Variants in NRXN3 observed in about 807,000 individuals in gnomAD.
The protein encoded by NRXN3 is neurexin III.
A neutral mutation model predicts 137.6 loss-of-function variants in NRXN3; 32 were observed. The ratio of observed to expected loss-of-function variants is 0.23; its 90% CI spans 0.18 to 0.31. NRXN3 has a LOEUF of 0.31. Among genes scored for constraint, NRXN3 ranks in the 10% least tolerant of loss-of-function variants. NRXN3 has a pLI of 1.00. For synonymous variants in NRXN3, 798 were observed against 784.5 expected (o/e 1.02, Z -0.29); for missense variants, 1,574 against 2,062.5 (o/e 0.76, Z 4.59).
chr14:79,093,214 C>T (rs899109094), intron 15 of NRXN3, among the ~76,000 whole-genome samples: 6 of 152,046 alleles, frequency 3.9e-5, no homozygotes, highest in Admixed American at 3.3e-4. Flanking sequence ...TCAGACTTGA[C>T]AGGGTGAGGG....
At chr14:79,804,857 A>G (rs2099197412) in intron 19 of NRXN3, among the ~76,000 whole-genome samples, 1 of 152,146 alleles carries the variant, frequency 6.6e-6, no homozygotes, top group Non-Finnish European at 1.5e-5. Context: ...GGTGAGGCTT[A>G]AGTCTCCTGG....
chr14:78,793,016 T>C (rs1264074830), intron 8 of NRXN3, among the ~76,000 whole-genome samples: 1 of 152,218 alleles, frequency 6.6e-6, no homozygotes, highest in Non-Finnish European at 1.5e-5. Flanking sequence ...GTAATTGGAT[T>C]GTTTGTAATT....
chr14:79,001,998 G>T (rs936660069), intron 15 of NRXN3, among the ~76,000 whole-genome samples: 1 of 152,134 alleles, frequency 6.6e-6, no homozygotes, highest in Non-Finnish European at 1.5e-5. Context: ...ATTTTGAGTA[G>T]ATTATCATTT....
In NRXN3 at chr14:78,722,310, A is replaced by G. The variant is rs566156418; in HGVS notation, c.2044+7171A>G. Among the ~76,000 whole-genome samples, 7 of 152,280 alleles carry G rather than the reference A, an allele frequency of 4.6e-5. No homozygotes were observed. In the East Asian group the frequency reaches 1.4e-3, roughly 29 times the overall value. On this transcript the variant is annotated intron_variant, in intron 8 of 20. Coordinates refer to ENST00000335750, the MANE Select transcript of NRXN3 (RefSeq NM_001330195.2). ...TGCTGGCTGCAGTGCTGTCAAATGC[A>G]GGGACTCGGTGGCCATTTACATTGC...
intron 10 of NRXN3, among the ~76,000 whole-genome samples, chr14:78,836,011 G>A (rs1217196293): frequency 6.6e-6 from 1 of 152,102 alleles, no homozygotes; most frequent in Non-Finnish European, 1.5e-5. Context: ...TATGTGTAGG[G>A]GCACTGTGGG....
rs144706852 is a variant in NRXN3, at chr14:78,908,646, T to C, written c.2276-48596T>C. Among the ~76,000 whole-genome samples, 8 of 152,242 alleles carry C rather than the reference T, an allele frequency of 5.3e-5. No individual in the cohort carries two copies. The East Asian group carries it at 9.7e-4, about 18-fold the overall frequency. On this transcript the variant is annotated intron_variant, in intron 10 of 20. Coordinates refer to ENST00000335750, the MANE Select transcript of NRXN3 (RefSeq NM_001330195.2). ...AAATTTCACCAAGATAAACTTGTACTAACTTCTTGTAACATGTCTGAACAG... is the reference window on the plus strand; with the variant it reads ...AAATTTCACCAAGATAAACTTGTACCAACTTCTTGTAACATGTCTGAACAG...
chr14:79,301,539 A>G (rs943448442), intron 15 of NRXN3, among the ~76,000 whole-genome samples: 19 of 152,104 alleles, frequency 1.2e-4, no homozygotes, highest in Middle Eastern at 3.4e-3. Flanking sequence ...AGGGAACACA[A>G]TGGTCCTTGT....
At position 78,452,282 on chromosome 14, in the gene NRXN3, ATCT is replaced by A. The variant is rs1397534318; in HGVS notation, c.757+154427_757+154429del. 3.9e-5 allele frequency among the ~76,000 whole-genome samples: 6 copies of A among 152,190 alleles called. No homozygotes were observed. The East Asian group carries it at 1.2e-3, about 29-fold the overall frequency. On this transcript the variant is annotated intron_variant, in intron 4 of 20. Coordinates refer to ENST00000335750, the MANE Select transcript of NRXN3 (RefSeq NM_001330195.2). ...AGGCAAGCTGATTCTCTGTGGCTTG[ATCT>A]TCTTATATTTAAAGGAGGAATATAA...
At chr14:78,199,101 A>T (rs554499028) in intron 1 of NRXN3, among the ~76,000 whole-genome samples, 23 of 152,194 alleles carry the variant, frequency 1.5e-4, no homozygotes, top group Non-Finnish European at 3.2e-4. Context: ...CTTAAAATGG[A>T]CTTTGATGAG....
intron 8 of NRXN3, among the ~76,000 whole-genome samples, chr14:78,785,098 A>C (rs1482872116): frequency 6.6e-6 from 1 of 152,250 alleles, no homozygotes; most frequent in Non-Finnish European, 1.5e-5. Flanking sequence ...TAAGAGAAAA[A>C]GATAAAATGA....
At chr14:78,913,786 CTTTG>C (rs1164218986) in intron 10 of NRXN3, among the ~76,000 whole-genome samples, 1 of 152,012 alleles carries the variant, frequency 6.6e-6, no homozygotes, top group African/African-American at 2.4e-5. Flanking sequence ...ATCTGGACTG[CTTTG>C]TTTGGAGATG....
intron 15 of NRXN3, among the ~76,000 whole-genome samples, chr14:79,145,052 C>T (rs1342736023): frequency 1.3e-5 from 2 of 152,038 alleles, no homozygotes; most frequent in African/African-American, 4.8e-5. Flanking sequence ...ATGCAATTTC[C>T]TGTGTGGGAG....
At chr14:79,655,509 T>C (rs550240945) in intron 16 of NRXN3, among the ~76,000 whole-genome samples, 1 of 152,342 alleles carries the variant, frequency 6.6e-6, no homozygotes, top group African/African-American at 2.4e-5. Flanking sequence ...CGTGCATATA[T>C]ACCATACAGA....
At chr14:79,394,001 A>G (rs1460968538) in intron 15 of NRXN3, among the ~76,000 whole-genome samples, 1 of 152,210 alleles carries the variant, frequency 6.6e-6, no homozygotes, top group Non-Finnish European at 1.5e-5. Flanking sequence ...TTGACTTAAA[A>G]TATCAGCTAA....
At chr14:78,706,813 A>G (rs1490140408) in intron 6 of NRXN3, among the ~76,000 whole-genome samples, 2 of 152,200 alleles carry the variant, frequency 1.3e-5, no homozygotes, top group Non-Finnish European at 2.9e-5. Context: ...GCTTCGCCAT[A>G]GTTATATATC....
At chr14:79,659,251 C>T (rs1401403166) in intron 16 of NRXN3, among the ~76,000 whole-genome samples, 2 of 151,670 alleles carry the variant, frequency 1.3e-5, no homozygotes, top group African/African-American at 2.4e-5. Flanking sequence ...TGATTTACCA[C>T]TTGTTTTTGT....
chr14:79,279,749 A>T, intron 15 of NRXN3: 1 of 987,762 alleles, frequency 1.0e-6, no homozygotes, highest in Non-Finnish European at 1.2e-6. Context: ...GAACTCTTCC[A>T]CCTGCAGCCC....
At chr14:79,452,567 T>C (rs1193948357) in intron 15 of NRXN3, among the ~76,000 whole-genome samples, 1 of 152,148 alleles carries the variant, frequency 6.6e-6, no homozygotes, top group Non-Finnish European at 1.5e-5. Flanking sequence ...CAGGGCCTGA[T>C]GACCTGGAAG....
chr14:78,909,145 T>G (rs566920332), intron 10 of NRXN3, among the ~76,000 whole-genome samples: 2 of 152,226 alleles, frequency 1.3e-5, no homozygotes, highest in East Asian at 3.9e-4. Context: ...AGCAGAACTT[T>G]CAATGAAAAT....
Sources: gnomAD v4.1 joint callset for allele counts (sites outside exome capture counted in the v4.1 genomes callset) on GRCh38, gnomAD v4.1.1 for gene constraint, MANE v1.5 for transcripts, NCBI Gene and HGNC (gene_info 2026-07-23, HGNC 2026-07-21) for gene names.